The following CYFIP2 variants were observed in gnomAD, a reference collection of about 807,000 sequenced individuals.
CYFIP2 encodes the protein cytoplasmic FMR1 interacting protein 2.
In CYFIP2, 29 loss-of-function variants were observed where a neutral mutation model predicts 158.7. The observed-to-expected ratio is 0.18, with a 90% CI of 0.14 to 0.25. CYFIP2 has a LOEUF of 0.25. Ranked by LOEUF, CYFIP2 falls within the 10% of genes least tolerant of loss-of-function variation. The pLI, the probability that CYFIP2 is intolerant of heterozygous loss-of-function variation, is 1.00. For synonymous variants in CYFIP2, 585 were observed against 617.6 expected (o/e 0.95, Z 0.78); for missense variants, 852 against 1,639.5 (o/e 0.52, Z 8.29).
chr5:157,284,610 T>A (rs1757232573), intron 1 of CYFIP2, among the ~76,000 whole-genome samples: 1 of 152,226 alleles, frequency 6.6e-6, no homozygotes, highest in African/African-American at 2.4e-5. Context: ...TAGCTCTAGT[T>A]GGGTAACTGT....
chr5:157,342,846 G>A (rs376408771), intron 23 of CYFIP2: 89 of 1,597,630 alleles, frequency 5.6e-5, no homozygotes, highest in Non-Finnish European at 6.8e-5. Context: ...TGATGCGGGC[G>A]CTCTCCTCCC....
chr5:157,278,076 A>G (rs907587263), intron 1 of CYFIP2, among the ~76,000 whole-genome samples: 87 of 152,314 alleles, frequency 5.7e-4, no homozygotes, highest in African/African-American at 2.0e-3. Flanking sequence ...TGACTGAAGC[A>G]TCATTATGAG....
At chr5:157,278,024 T>C (rs1019022421) in intron 1 of CYFIP2, among the ~76,000 whole-genome samples, 3 of 152,206 alleles carry the variant, frequency 2.0e-5, no homozygotes, top group African/African-American at 7.2e-5. Flanking sequence ...AAATATGATA[T>C]TATAATCTTA....
chr5:157,294,977 T>C (rs1359554489), intron 4 of CYFIP2, 117 bp downstream of exon 4: 2 of 714,012 alleles, frequency 2.8e-6, no homozygotes, highest in East Asian at 5.6e-5. Flanking sequence ...GTAAAGCAGG[T>C]CCTCTTATCC....
Position 157,380,403 on chromosome 5 carries a change from C to A in CYFIP2, c.3040-2187C>A, listed in dbSNP as rs145776223. On this transcript the variant is annotated intron_variant, in intron 26 of 30. Coordinates refer to ENST00000620254, the MANE Select transcript of CYFIP2 (RefSeq NM_001037333.3). ...AACTGAATTCATTCCCCAAGTTAGT[C>A]CGGCCTCTGCCCAGGAGTGAACAAG... Among the ~76,000 whole-genome samples the A allele has an allele frequency of 2.8e-3, 425 of 152,292 alleles. 2 individuals are homozygous for A. The highest frequency in any genetic ancestry group is 1.0e-2 in the African/African-American group (414 of 41,544).
intron 22 of CYFIP2, 51 bp from the exon 23 acceptor site, chr5:157,341,019 G>A (rs1762210999): frequency 1.3e-6 from 2 of 1,541,198 alleles, no homozygotes; most frequent in Non-Finnish European, 9.0e-7. Context: ...GTCCCATGGA[G>A]AATAATATTA....
intron 28 of CYFIP2, 102 bp downstream of exon 28, chr5:157,383,461 G>A (rs1561787703): frequency 1.8e-6 from 2 of 1,087,182 alleles, no homozygotes; most frequent in South Asian, 1.4e-5. Flanking sequence ...GAGGCTCAGA[G>A]AAGGGAAGAC....
At chr5:157,269,904 G>C (rs1755941305) in intron 1 of CYFIP2, among the ~76,000 whole-genome samples, 1 of 152,184 alleles carries the variant, frequency 6.6e-6, no homozygotes, top group Non-Finnish European at 1.5e-5. Flanking sequence ...TGGCTTTCTA[G>C]CCATGGGCAT....
Position 157,383,281 on chromosome 5 carries a change from G to A in CYFIP2, c.3129G>A (p.Glu1043=), listed in dbSNP as rs1198100231. 6.2e-7 allele frequency: 1 copy of A among 1,613,812 alleles called. No homozygotes were observed. The highest frequency in any genetic ancestry group is 1.1e-5 in the South Asian group (1 of 91,048). Reference sequence around the variant, plus strand: ...CTTTTGCAGAGGGGGAGCGCCTGGAGGTCCGGATGAAACGTCTGGAAGCCA... The same window carrying A: ...CTTTTGCAGAGGGGGAGCGCCTGGAAGTCCGGATGAAACGTCTGGAAGCCA... The part of the protein sequence containing the change: ...RVYIKEGERL[E]VRMKRLEAKY... Residue 1043 remains glutamate, a synonymous_variant, in exon 28 of 31, where the codon GAG becomes GAA. Transcript: ENST00000620254.
intron 15 of CYFIP2, among the ~76,000 whole-genome samples, chr5:157,323,604 A>C (rs552362117): frequency 6.6e-6 from 1 of 152,306 alleles, no homozygotes; most frequent in East Asian, 1.9e-4. Flanking sequence ...CCTCTGGGAA[A>C]GCAGGGAGTG....
intron 26 of CYFIP2, chr5:157,375,975 A>C (rs1765436082): frequency 6.6e-6 from 1 of 152,242 alleles, no homozygotes; most frequent in Admixed American, 6.6e-5. Flanking sequence ...CTGACTGCCC[A>C]TAGCACTGTG....
chr5:157,384,493 C>T, intron 28 of CYFIP2: 1 of 456,770 alleles, frequency 2.2e-6, no homozygotes. Flanking sequence ...AAATCCTCAG[C>T]GGAGGACAGA....
At chr5:157,278,745 A>G (rs1159445517) in intron 1 of CYFIP2, among the ~76,000 whole-genome samples, 1 of 152,180 alleles carries the variant, frequency 6.6e-6, no homozygotes, top group Non-Finnish European at 1.5e-5. Flanking sequence ...AAAACAGGCC[A>G]CAGACTAGCG....
intron 19 of CYFIP2, among the ~76,000 whole-genome samples, chr5:157,328,592 T>C (rs1761208605): frequency 6.6e-6 from 1 of 152,126 alleles, no homozygotes; most frequent in Admixed American, 6.5e-5. Context: ...TCACCACCAC[T>C]AGAGGGGGCA....
intron 28 of CYFIP2, among the ~76,000 whole-genome samples, chr5:157,386,144 G>A (rs534697528): frequency 3.9e-5 from 6 of 152,272 alleles, no homozygotes; most frequent in African/African-American, 1.4e-4. Flanking sequence ...TCAGTGAAAT[G>A]CACATTCAAA....
chr5:157,297,127 G>A (rs1363018314), intron 5 of CYFIP2, among the ~76,000 whole-genome samples: 4 of 152,222 alleles, frequency 2.6e-5, no homozygotes, highest in Admixed American at 6.5e-5. Context: ...CTCAGGAGGC[G>A]GCATTTGAGC....
At chr5:157,270,577 G>A (rs905202333) in intron 1 of CYFIP2, among the ~76,000 whole-genome samples, 1 of 152,174 alleles carries the variant, frequency 6.6e-6, no homozygotes. Flanking sequence ...ATTTGTTTTG[G>A]CAAGATATGA....
At chr5:157,351,407 A>G (rs1313379446) in intron 23 of CYFIP2, among the ~76,000 whole-genome samples, 3 of 152,204 alleles carry the variant, frequency 2.0e-5, no homozygotes, top group Non-Finnish European at 2.9e-5. Context: ...TTTTTAATGT[A>G]TATGCTCATT....
chr5:157,371,215 C>T (rs1447235981), intron 26 of CYFIP2, among the ~76,000 whole-genome samples: 1 of 152,168 alleles, frequency 6.6e-6, no homozygotes, highest in African/African-American at 2.4e-5. Flanking sequence ...CATTATGTGC[C>T]TCCATATAAG....
Sources: gnomAD v4.1 joint callset for allele counts (sites outside exome capture counted in the v4.1 genomes callset) on GRCh38, gnomAD v4.1.1 for gene constraint, MANE v1.5 for transcripts, NCBI Gene and HGNC (gene_info 2026-07-23, HGNC 2026-07-21) for gene names.